The following RAB17 variants were observed in gnomAD, a reference collection of about 807,000 sequenced individuals.
The protein encoded by RAB17 is ras-related protein Rab-17.
In RAB17, 15 loss-of-function variants were observed where a neutral mutation model predicts 19.3. That is an observed-to-expected ratio of 0.78 (90% CI 0.52 to 1.20). The LOEUF is 1.20. Ranked by LOEUF, RAB17 falls within the 50% of genes most tolerant of loss-of-function variation. The probability of loss-of-function intolerance (pLI) is 0.00; values close to 1 mark genes in which losing one functional copy is unlikely to be tolerated. For synonymous variants in RAB17, 110 were observed against 112.8 expected (o/e 0.97, Z 0.16); for missense variants, 262 against 269.3 (o/e 0.97, Z 0.19).
chr2:237,576,717 C>T (rs1203099739), intron 4 of RAB17: 1 of 471,168 alleles, frequency 2.1e-6, no homozygotes, highest in South Asian at 1.5e-5. Context: ...AGGTGGGATG[C>T]CGTGGAAGAG....
At chr2:237,583,497 G>T (rs1288784713) in intron 2 of RAB17, among the ~76,000 whole-genome samples, 2 of 152,220 alleles carry the variant, frequency 1.3e-5, no homozygotes, top group African/African-American at 4.8e-5. Context: ...AAAGGAAGGA[G>T]CTTCCACATT....
chr2:237,579,945 G>A (rs906721594), intron 2 of RAB17, among the ~76,000 whole-genome samples: 3 of 152,340 alleles, frequency 2.0e-5, no homozygotes, highest in African/African-American at 7.2e-5. Context: ...TCTCCATCCA[G>A]ACAGTAGGAC....
chr2:237,582,569 G>A lies in RAB17; in HGVS notation c.157+3429C>T, dbSNP rs144650496. Reference sequence around the variant, plus strand: ...GGGCGTGCTGCCTCCTGCATTTCCAGGCCGCCTGTGAGGACAGCACTCCCA... The same window carrying A: ...GGGCGTGCTGCCTCCTGCATTTCCAAGCCGCCTGTGAGGACAGCACTCCCA... On this transcript the variant is annotated intron_variant, in intron 2 of 5. Coordinates refer to ENST00000264601, the MANE Select transcript of RAB17 (RefSeq NM_022449.4). Among the ~76,000 whole-genome samples, 1,242 of 152,322 alleles carry A rather than the reference G, an allele frequency of 8.2e-3. 16 individuals carry two copies. The highest frequency in any genetic ancestry group is 0.028 in the African/African-American group (1,178 of 41,558).
intron 1 of RAB17, among the ~76,000 whole-genome samples, chr2:237,587,185 T>C (rs2081357423): frequency 6.6e-6 from 1 of 152,242 alleles, no homozygotes; most frequent in African/African-American, 2.4e-5. Flanking sequence ...TGTCTTTCTG[T>C]GATGTTGGCA....
chr2:237,588,939 T>G (rs929966953), intron 1 of RAB17, among the ~76,000 whole-genome samples: 10 of 152,350 alleles, frequency 6.6e-5, no homozygotes, highest in African/African-American at 2.4e-4. Context: ...ATTTTATTTT[T>G]GGGCTGGGCG....
chr2:237,575,252 C>T, intron 5 of RAB17, 124 bp from the exon 6 acceptor site: 1 of 1,001,594 alleles, frequency 1.0e-6, no homozygotes, highest in Admixed American at 2.3e-5. Context: ...GAACAAGGGC[C>T]TCCTGCCCCT....
intron 3 of RAB17, 89 bp from the exon 4 acceptor site, chr2:237,577,471 CGTT>C (rs1279419667): frequency 1.4e-6 from 2 of 1,431,918 alleles, no homozygotes; most frequent in South Asian, 1.3e-5. Flanking sequence ...TTGCTGATCA[CGTT>C]GTGTAAAATG....
At chr2:237,588,148 G>A (rs2081365166) in intron 1 of RAB17, among the ~76,000 whole-genome samples, 1 of 152,208 alleles carries the variant, frequency 6.6e-6, no homozygotes, top group African/African-American at 2.4e-5. Flanking sequence ...AACCATGCTA[G>A]GAGGTGGGGC....
At chr2:237,576,592 G>A (rs1170704712) in intron 4 of RAB17, 10 of 471,160 alleles carry the variant, frequency 2.1e-5, no homozygotes, top group South Asian at 1.2e-4. Flanking sequence ...GCGCCCGTCG[G>A]TCTAAGCCCT....
chr2:237,588,381 T>C (rs2081367535), intron 1 of RAB17, among the ~76,000 whole-genome samples: 1 of 152,248 alleles, frequency 6.6e-6, no homozygotes, highest in African/African-American at 2.4e-5. Flanking sequence ...TTGTTCTTTA[T>C]ACATTTCTGT....
intron 2 of RAB17, chr2:237,585,686 C>T (rs912263804): frequency 1.7e-5 from 4 of 235,950 alleles, no homozygotes; most frequent in Non-Finnish European, 3.5e-5. Flanking sequence ...CGGGCTGTCC[C>T]TTCCACCAGC....
chr2:237,584,533 C>T lies in RAB17; in HGVS notation c.157+1465G>A, dbSNP rs150688161. ...GAATATCATTTACAGAGGGTAAGTA[C>T]CTGAAGAGGTAGAGTTGTGTCTCCA... is the stretch of plus-strand genomic sequence containing the variant. On this transcript the variant is annotated intron_variant, in intron 2 of 5. Coordinates refer to ENST00000264601, the MANE Select transcript of RAB17 (RefSeq NM_022449.4). Among the ~76,000 whole-genome samples the T allele has an allele frequency of 1.3e-3, 194 of 152,200 alleles. 1 individual carries two copies. The highest frequency in any genetic ancestry group is 4.6e-3 in the African/African-American group (190 of 41,510).
intron 4 of RAB17, chr2:237,576,681 G>C: frequency 2.1e-6 from 1 of 471,222 alleles, no homozygotes; most frequent in South Asian, 1.5e-5. Context: ...CTGTTTACAC[G>C]GTCTTCGTCC....
In RAB17 at chr2:237,577,426, T is replaced by C. The variant is rs773692678; in HGVS notation, c.310-44A>G. The C allele has an allele frequency of 2.6e-6, 4 of 1,566,286 alleles. No individual in the cohort carries two copies. The Admixed American group carries it at 7.2e-5, about 28-fold the overall frequency. ...AGTAACATCAAACAAAACTTATAGG[T>C]GGTCATTAGCTATTCCGGGAGGGGG... On this transcript the variant is annotated intron_variant, in intron 3 of 5. Coordinates refer to ENST00000264601, the MANE Select transcript of RAB17 (RefSeq NM_022449.4).
At chr2:237,587,841 A>C (rs13384677) in intron 1 of RAB17, among the ~76,000 whole-genome samples, 1 of 136,368 alleles carries the variant, frequency 7.3e-6, no homozygotes, top group Admixed American at 6.9e-5. Context: ...TTAAAAAAAA[A>C]AAAAAGAAAA....
At chr2:237,577,952 G>A in intron 3 of RAB17, 52 bp downstream of exon 3, 1 of 1,550,774 alleles carries the variant, frequency 6.4e-7, no homozygotes, top group Non-Finnish European at 8.8e-7. Context: ...GGAGAAACCA[G>A]AAGGCAGGTG....
chr2:237,580,610 G>A (rs1456625566), intron 2 of RAB17, among the ~76,000 whole-genome samples: 1 of 152,144 alleles, frequency 6.6e-6, no homozygotes, highest in African/African-American at 2.4e-5. Flanking sequence ...GTGCTGGCAT[G>A]CCCCTGTAGT....
rs1055513635 is a variant in RAB17 at position 237,574,878 on chromosome 2, G to A, written c.*141C>T. 5 of 839,578 alleles carry A rather than the reference G, an allele frequency of 6.0e-6. No individual in the cohort carries two copies. The highest frequency in any genetic ancestry group is 1.8e-5 in the African/African-American group (1 of 56,726). 52.0% of individuals were successfully genotyped at this position (839,578 alleles called of 1,614,324 possible). A position where few individuals can be genotyped will look rare whatever the true frequency, so the allele number is the denominator to read the frequency against. On this transcript the variant is annotated 3_prime_UTR_variant, in exon 6 of 6. Transcript: ENST00000264601. ...CAGTTCCCACTGGCTGTGGGAAGTG[G>A]TTTTCATAAAGGGGGCCAACTTCCA... is the stretch of plus-strand genomic sequence containing the variant.
intron 1 of RAB17, among the ~76,000 whole-genome samples, chr2:237,588,576 C>T (rs779630127): frequency 3.3e-5 from 5 of 151,872 alleles, no homozygotes; most frequent in South Asian, 2.1e-4. Context: ...GTAGCGGGGG[C>T]GGGGTGAGGG....
Sources: allele counts gnomAD v4.1 joint callset (sites outside exome capture counted in the v4.1 genomes callset), GRCh38; gene constraint gnomAD v4.1.1; transcripts MANE v1.5; gene names NCBI Gene and HGNC (gene_info 2026-07-23, HGNC 2026-07-21).